CALB1: variants seen among roughly 807,000 people sequenced by gnomAD.
The protein encoded by CALB1 is calbindin 1.
CALB1 carries 16 observed loss-of-function variants against 46.7 expected under a neutral mutation model. The ratio of observed to expected loss-of-function variants is 0.34; its 90% confidence interval spans 0.23 to 0.52. The LOEUF is 0.52. Among genes scored for constraint, CALB1 ranks in the 20% least tolerant of loss-of-function variants. The pLI is 0.95. For missense variants in CALB1, 224 were observed against 300.3 expected (o/e 0.75, Z 1.88); for synonymous variants, 90 against 112.8 (o/e 0.80, Z 1.28).
At chr8:90,081,914 C>T (rs1429429075) in intron 2 of CALB1, 112 bp downstream of exon 2, 3 of 830,530 alleles carry the variant, frequency 3.6e-6, no homozygotes, top group African/African-American at 3.5e-5. Flanking sequence ...AGTCAATAAA[C>T]GTTTACATTA....
chr8:90,082,336 TG>T (rs548323417), intron 1 of CALB1: 4 of 601,070 alleles, frequency 6.7e-6, no homozygotes, highest in African/African-American at 3.7e-5. Flanking sequence ...ACAGAAACTT[TG>T]GGGGGGCAGC....
intron 2 of CALB1, 98 bp downstream of exon 2, chr8:90,081,928 A>C: frequency 9.7e-7 from 1 of 1,034,320 alleles, no homozygotes; most frequent in Non-Finnish European, 1.4e-6. Flanking sequence ...TACATTACCC[A>C]GAAAGCGCTT....
At position 90,065,979 on chromosome 8, in the gene CALB1, T is replaced by C; in HGVS notation, c.373-4A>G. 1 of 1,591,776 alleles carries C rather than the reference T, an allele frequency of 6.3e-7. No individual in the cohort carries two copies. The highest frequency in any genetic ancestry group is 8.6e-7 in the Non-Finnish European group (1 of 1,160,558). ...CTAGCAGGTCCTTTAGAAAGTTCTG[T>C]TAAAACAAAGAACACTTAGATTAAT... On this transcript the variant is annotated splice_polypyrimidine_tract_variant and splice_region_variant and intron_variant, in intron 5 of 10. Transcript: ENST00000265431.
intron 2 of CALB1, among the ~76,000 whole-genome samples, chr8:90,079,172 A>G (rs1415472915): frequency 6.6e-6 from 1 of 151,924 alleles, no homozygotes; most frequent in African/African-American, 2.4e-5. Context: ...GTTCTATTCT[A>G]CGTCCTTGGG....
chr8:90,080,350 C>A (rs1263920209), intron 2 of CALB1, among the ~76,000 whole-genome samples: 1 of 151,748 alleles, frequency 6.6e-6, no homozygotes, highest in African/African-American at 2.4e-5. Flanking sequence ...ATTTAAATTT[C>A]TAAGCTGAAA....
chr8:90,076,086 A>T (rs903051657), intron 3 of CALB1, among the ~76,000 whole-genome samples: 6 of 151,990 alleles, frequency 3.9e-5, no homozygotes, highest in African/African-American at 1.4e-4. Context: ...AAACCTTCCA[A>T]TCAGTTTATA....
At chr8:90,072,064 T>C (rs1814531893) in intron 3 of CALB1, among the ~76,000 whole-genome samples, 1 of 152,242 alleles carries the variant, frequency 6.6e-6, no homozygotes, top group African/African-American at 2.4e-5. Context: ...ATCTTCATCA[T>C]AATTCTCTAT....
chr8:90,067,968 T>C (rs945737543), intron 5 of CALB1, among the ~76,000 whole-genome samples: 1 of 152,222 alleles, frequency 6.6e-6, no homozygotes, highest in Non-Finnish European at 1.5e-5. Context: ...CCTTGTACTC[T>C]GCCTGACAGA....
intron 5 of CALB1, among the ~76,000 whole-genome samples, chr8:90,068,561 G>A (rs1051717608): frequency 6.6e-6 from 1 of 152,136 alleles, no homozygotes; most frequent in Non-Finnish European, 1.5e-5. Flanking sequence ...GTAATACAAT[G>A]TCATACAACT....
chr8:90,071,397 C>G (rs1261710799), intron 3 of CALB1, among the ~76,000 whole-genome samples: 1 of 151,958 alleles, frequency 6.6e-6, no homozygotes, highest in Non-Finnish European at 1.5e-5. Context: ...AGGTCTCCCC[C>G]CAGAGCTAAG....
chr8:90,066,033 T>C, intron 5 of CALB1, 58 bp from the exon 6 acceptor site: 2 of 1,140,708 alleles, frequency 1.8e-6, no homozygotes, highest in Non-Finnish European at 2.6e-6. Flanking sequence ...TCTACTTTCA[T>C]TTCAGAATGC....
intron 3 of CALB1, among the ~76,000 whole-genome samples, chr8:90,077,590 G>A (rs935717075): frequency 1.3e-5 from 2 of 152,000 alleles, no homozygotes; most frequent in Non-Finnish European, 2.9e-5. Context: ...GATAAAGAAA[G>A]AGGCTAAGAC....
rs1466506583 is a variant in CALB1 at position 90,059,711 on chromosome 8, C to G, written c.*462G>C. ...GGTGAGTATTTTAGATGGAAAAGCA[C>G]ATTCCTCCTAATAGTTAGAAATAAG... is the stretch of plus-strand genomic sequence containing the variant. On this transcript the variant is annotated 3_prime_UTR_variant, in exon 11 of 11. Transcript: ENST00000265431. The G allele has an allele frequency of 6.5e-6, 1 of 154,000 alleles. No homozygotes were observed. Among genetic ancestry groups the G allele is most frequent in the Non-Finnish European group, 1.4e-5 (1 of 69,300 alleles). 9.5% of individuals were successfully genotyped at this position (154,000 alleles called of 1,614,324 possible). A position where few individuals can be genotyped will look rare whatever the true frequency, so the allele number is the denominator to read the frequency against.
rs1342534931 is a variant in CALB1 at position 90,059,634 on chromosome 8, T to G, written c.*539A>C. ...GTAGACATGCTGTTGATTGGTAAAC[T>G]AAATCTGTAATGAGACTGTTAACTT... is the stretch of plus-strand genomic sequence containing the variant. On this transcript the variant is annotated 3_prime_UTR_variant, in exon 11 of 11. Coordinates refer to ENST00000265431, the MANE Select transcript of CALB1 (RefSeq NM_004929.4). 1 of 152,692 alleles carries G rather than the reference T, an allele frequency of 6.5e-6. No homozygotes were observed. Among genetic ancestry groups the G allele is most frequent in the Non-Finnish European group, 1.5e-5 (1 of 68,430 alleles). 9.5% of individuals were successfully genotyped at this position (152,692 alleles called of 1,614,324 possible). A position where few individuals can be genotyped will look rare whatever the true frequency, so the allele number is the denominator to read the frequency against.
chr8:90,078,279 A>G (rs965275533), intron 3 of CALB1, 94 bp downstream of exon 3: 2 of 740,712 alleles, frequency 2.7e-6, no homozygotes, highest in African/African-American at 3.6e-5. Context: ...ACTGTACTGA[A>G]TGGGTCTTGC....
At chr8:90,082,461 G>A (rs1470759442) in intron 1 of CALB1, 158 bp downstream of exon 1, 4 of 665,726 alleles carry the variant, frequency 6.0e-6, no homozygotes, top group Middle Eastern at 2.6e-4. Context: ...ACAGTTTGGC[G>A]GCCAGTCGGG....
intron 6 of CALB1, chr8:90,063,792 G>A: frequency 4.6e-6 from 1 of 217,978 alleles, no homozygotes; most frequent in South Asian, 1.2e-4. Context: ...TGCACATCTG[G>A]AATCTCTCCA....
chr8:90,063,542 TTTGAG>T lies in CALB1; in HGVS notation c.451-86_451-82del, dbSNP rs1340846107. 5.0e-6 allele frequency: 6 copies of T among 1,207,120 alleles called. No homozygotes were observed. The African/African-American group carries it at 6.0e-5, about 12-fold the overall frequency. 74.8% of individuals were successfully genotyped at this position (1,207,120 alleles called of 1,614,324 possible). On this transcript the variant is annotated intron_variant, in intron 6 of 10. Transcript: ENST00000265431. ...GGAGATGAACTTCAAAATAAAGCTG[TTTGAG>T]TTATCAACTACTTGTATATATGCAG...
At position 90,082,706 on chromosome 8, in the gene CALB1, G is replaced by C; in HGVS notation, c.-9C>G. The C allele has an allele frequency of 6.2e-7, 1 of 1,613,236 alleles. No individual in the cohort carries two copies. Among genetic ancestry groups the C allele is most frequent in the Non-Finnish European group, 8.5e-7 (1 of 1,179,160 alleles). On this transcript the variant is annotated 5_prime_UTR_variant, in exon 1 of 11. Transcript: ENST00000265431. ...AGGTGGGATTCTGCCATTGTACAGCGGGGTGTGTGTCTGGGTGTGTGAATA... is the reference window on the plus strand; with the variant it reads ...AGGTGGGATTCTGCCATTGTACAGCCGGGTGTGTGTCTGGGTGTGTGAATA...
Sources: allele counts gnomAD v4.1 joint callset (sites outside exome capture counted in the v4.1 genomes callset), GRCh38; gene constraint gnomAD v4.1.1; transcripts MANE v1.5; gene names NCBI Gene and HGNC (gene_info 2026-07-23, HGNC 2026-07-21).